Variants in MYO1E observed in about 807,000 individuals in gnomAD.
The protein encoded by MYO1E is myosin IE, also known as unconventional myosin-Ie.
Under a neutral mutation model 151.1 loss-of-function variants are expected in MYO1E, and 68 were observed. The observed-to-expected ratio is 0.45, with a 90% CI of 0.37 to 0.55. The LOEUF is 0.55. Ranked by LOEUF, MYO1E falls within the 20% of genes least tolerant of loss-of-function variation. MYO1E has a pLI of 0.00. For missense variants in MYO1E, 1,363 were observed against 1,389.3 expected, an observed-to-expected ratio of 0.98 and a Z score of 0.30; for synonymous variants, 601 against 501.7, an observed-to-expected ratio of 1.20 and a Z score of -2.64.
intron 26 of MYO1E, among the ~76,000 whole-genome samples, chr15:59,141,282 A>G (rs769974531): frequency 1.3e-5 from 2 of 152,124 alleles, no homozygotes; most frequent in East Asian, 1.9e-4. Context: ...ACTCATCCCT[A>G]TCTCCCTGGG....
intron 22 of MYO1E, among the ~76,000 whole-genome samples, chr15:59,166,098 C>T (rs1049783007): frequency 4.6e-5 from 7 of 152,312 alleles, no homozygotes; most frequent in South Asian, 4.1e-4. Flanking sequence ...CAGCATGAAT[C>T]TAGAAATGAG....
chr15:59,258,635 C>T (rs6494090), intron 3 of MYO1E, among the ~76,000 whole-genome samples: 149,087 of 152,332 alleles, frequency 0.98, 73,036 homozygotes, highest in East Asian at 1. Flanking sequence ...GAGGATCACT[C>T]GAACCCAGCA....
chr15:59,355,044 G>C (rs545004495), intron 1 of MYO1E, among the ~76,000 whole-genome samples: 34 of 152,150 alleles, frequency 2.2e-4, no homozygotes, highest in Non-Finnish European at 2.8e-4. Flanking sequence ...CTCATTCACT[G>C]GCGGCTGCCT....
rs1253109967 is a variant in MYO1E, at chr15:59,136,710, C to G, written c.*670G>C. ...TTAAACACAAACCAATATGGGCCAGCCACATTCTAATTGAAGACCCAGAGA... is the reference window on the plus strand; with the variant it reads ...TTAAACACAAACCAATATGGGCCAGGCACATTCTAATTGAAGACCCAGAGA... On this transcript the variant is annotated 3_prime_UTR_variant, in exon 28 of 28. Transcript: ENST00000288235. The G allele has an allele frequency of 4.4e-6, 2 of 456,488 alleles. No individual in the cohort carries two copies. The highest frequency in any genetic ancestry group is 2.3e-5 in the Admixed American group (1 of 42,572). 28.3% of individuals were successfully genotyped at this position (456,488 alleles called of 1,614,324 possible). A position where few individuals can be genotyped will look rare whatever the true frequency, so the allele number is the denominator to read the frequency against.
At chr15:59,355,108 T>C (rs549484969) in intron 1 of MYO1E, among the ~76,000 whole-genome samples, 6 of 152,338 alleles carry the variant, frequency 3.9e-5, no homozygotes, top group African/African-American at 1.4e-4. Flanking sequence ...ACTTTTGGTC[T>C]AGTGGGGAAC....
At chr15:59,277,762 AG>A (rs1264219219) in intron 1 of MYO1E, among the ~76,000 whole-genome samples, 2 of 152,244 alleles carry the variant, frequency 1.3e-5, no homozygotes, top group East Asian at 3.8e-4. Context: ...CAGTCATTAA[AG>A]GAACTTGCAT....
intron 1 of MYO1E, among the ~76,000 whole-genome samples, chr15:59,357,763 T>C (rs1188127621): frequency 2.0e-5 from 3 of 152,132 alleles, no homozygotes. Flanking sequence ...GAGGTAATTT[T>C]CAATGATGAG....
At chr15:59,354,255 G>T (rs2080841349) in intron 1 of MYO1E, among the ~76,000 whole-genome samples, 1 of 152,214 alleles carries the variant, frequency 6.6e-6, no homozygotes, top group Non-Finnish European at 1.5e-5. Context: ...GCCTTTGGAG[G>T]AGAGCAATAC....
In MYO1E at chr15:59,328,438, A is replaced by T. The variant is rs947734007; in HGVS notation, c.3+44060T>A. Among the ~76,000 whole-genome samples, 3 of 151,836 alleles carry T rather than the reference A, an allele frequency of 2.0e-5. No individual in the cohort carries two copies. In the South Asian group the frequency reaches 6.3e-4, roughly 32 times the overall value. On this transcript the variant is annotated intron_variant, in intron 1 of 27. Coordinates refer to ENST00000288235, the MANE Select transcript of MYO1E (RefSeq NM_004998.4). ...AATGAACTTTCTGGCCCCTCTCCCA[A>T]TACACGCTTGGTACTGGGAGAGGGG...
intron 4 of MYO1E, among the ~76,000 whole-genome samples, chr15:59,254,290 C>T (rs1409053937): frequency 6.6e-6 from 1 of 152,100 alleles, no homozygotes; most frequent in South Asian, 2.1e-4. Flanking sequence ...TGAGCTCAAG[C>T]GATCTCCCTG....
intron 2 of MYO1E, among the ~76,000 whole-genome samples, chr15:59,264,490 T>A (rs1052124675): frequency 6.6e-6 from 1 of 152,360 alleles, no homozygotes; most frequent in East Asian, 1.9e-4. Flanking sequence ...AGAATTTTTT[T>A]AAGTATGTTC....
At chr15:59,204,116 G>A (rs2079818436) in intron 15 of MYO1E, among the ~76,000 whole-genome samples, 1 of 152,182 alleles carries the variant, frequency 6.6e-6, no homozygotes, top group South Asian at 2.1e-4. Flanking sequence ...GTCTGCACCT[G>A]ACTGCCATAA....
intron 1 of MYO1E, among the ~76,000 whole-genome samples, chr15:59,338,138 G>A (rs559257652): frequency 1.3e-5 from 2 of 148,664 alleles, no homozygotes; most frequent in South Asian, 4.3e-4. Flanking sequence ...TGTGAGGCAA[G>A]GCAAGAAAAA....
chr15:59,261,792 G>A (rs2080225802), intron 2 of MYO1E, among the ~76,000 whole-genome samples: 1 of 152,156 alleles, frequency 6.6e-6, no homozygotes, highest in Non-Finnish European at 1.5e-5. Flanking sequence ...CGTACAGCAA[G>A]GAGAAAAGAA....
rs541973355 is a variant in MYO1E at position 59,173,781 on chromosome 15, C to T, written c.2299G>A (p.Ala767Thr). Reference protein sequence around the residue: ...FVGKREKIDFADTVTKYDRRF... With the variant: ...FVGKREKIDFTDTVTKYDRRF... ...CTGTCATACTTGGTGACTGTGTCTG[C>T]GAAATCAATCTTCTCCCTCTTGCCC... The change falls in exon 21 of 28, where the codon GCA becomes ACA. Residue 767 changes from alanine (A) to threonine (T), a missense_variant. Coordinates refer to ENST00000288235, the MANE Select transcript of MYO1E (RefSeq NM_004998.4). 3.0e-5 allele frequency: 48 copies of T among 1,614,008 alleles called. No homozygotes were observed. Among genetic ancestry groups the T allele is most frequent in the South Asian group, 6.6e-5 (6 of 91,072 alleles).
At chr15:59,284,127 C>A (rs2080373252) in intron 1 of MYO1E, among the ~76,000 whole-genome samples, 1 of 152,228 alleles carries the variant, frequency 6.6e-6, no homozygotes, top group African/African-American at 2.4e-5. Context: ...ATGTCCCCAC[C>A]AGGGTGGTGC....
In MYO1E at chr15:59,350,636, A is replaced by T. The variant is rs2080818238; in HGVS notation, c.3+21862T>A. ...GTGTACAGGAATGTGGGAAGGCCAA[A>T]GGGAAAGATGGTGAATTCTGAAAAA... On this transcript the variant is annotated intron_variant, in intron 1 of 27. Coordinates refer to ENST00000288235, the MANE Select transcript of MYO1E (RefSeq NM_004998.4). The surrounding 1 kb of genome is among the most constrained non-coding windows in gnomAD (Gnocchi z 5.0). 1.3e-5 allele frequency among the ~76,000 whole-genome samples: 2 copies of T among 152,222 alleles called. No individual in the cohort carries two copies. Among genetic ancestry groups the T allele is most frequent in the African/African-American group, 4.8e-5 (2 of 41,460 alleles).
chr15:59,224,897 C>T (rs1214968588), intron 7 of MYO1E, 74 bp from the exon 8 acceptor site: 9 of 1,593,212 alleles, frequency 5.6e-6, no homozygotes, highest in African/African-American at 1.3e-5. Flanking sequence ...CATCCTGCAG[C>T]CACCATCCCT....
chr15:59,212,198 C>G (rs7163419), intron 12 of MYO1E, among the ~76,000 whole-genome samples: 2,221 of 152,016 alleles, frequency 0.015, 62 homozygotes, highest in African/African-American at 0.051. Flanking sequence ...TCACAGGAAA[C>G]CCATATGGAA....
Sources: gnomAD v4.1 joint callset for allele counts (sites outside exome capture counted in the v4.1 genomes callset) on GRCh38, gnomAD v4.1.1 for gene constraint, Gnocchi (gnomAD v3.1) non-coding constraint, MANE v1.5 for transcripts, NCBI Gene and HGNC (gene_info 2026-07-23, HGNC 2026-07-21) for gene names.